The following CASP9 variants were observed in gnomAD, a reference collection of about 807,000 sequenced individuals.
The protein encoded by CASP9 is caspase-9.
CASP9 carries 29 observed loss-of-function variants against 43.5 expected under a neutral mutation model. That is an observed-to-expected ratio of 0.67 (90% CI 0.50 to 0.91). The LOEUF (loss-of-function observed/expected upper bound fraction) is 0.91, where lower values mean the gene tolerates loss of function less well. CASP9 is among the 40% of genes least tolerant of loss of function. The pLI is 0.00. For synonymous variants in CASP9, 206 were observed against 211.9 expected (o/e 0.97, Z 0.24); for missense variants, 575 against 537.4 (o/e 1.07, Z -0.69).
At chr1:15,514,318 C>T (rs1557549940) in intron 2 of CASP9, among the ~76,000 whole-genome samples, 1 of 152,236 alleles carries the variant, frequency 6.6e-6, no homozygotes, top group South Asian at 2.1e-4. Context: ...CCTGTATTCA[C>T]TTATTAAAGG....
intron 2 of CASP9, among the ~76,000 whole-genome samples, chr1:15,512,429 G>GA (rs1196027705): frequency 1.3e-5 from 2 of 152,190 alleles, no homozygotes; most frequent in Non-Finnish European, 2.9e-5. Context: ...CGAAACAGTG[G>GA]AGAATGGGAG....
chr1:15,495,227 G>A (rs377150418), intron 7 of CASP9, 46 bp downstream of exon 7: 69 of 1,560,658 alleles, frequency 4.4e-5, no homozygotes, highest in East Asian at 4.6e-5. Context: ...TAGGGCAGAC[G>A]GGAAGACCCA....
chr1:15,516,256 G>A (rs559489899), intron 2 of CASP9, among the ~76,000 whole-genome samples: 2 of 150,482 alleles, frequency 1.3e-5, no homozygotes, highest in East Asian at 2.0e-4. Context: ...CCAGGAGGCC[G>A]AGATGGGAGG....
At chr1:15,521,041 C>G (rs1446247180) in intron 1 of CASP9, among the ~76,000 whole-genome samples, 1 of 151,742 alleles carries the variant, frequency 6.6e-6, no homozygotes, top group African/African-American at 2.4e-5. Context: ...CCTGTAGACC[C>G]AGCTACTCGG....
chr1:15,507,698 C>T, intron 3 of CASP9, 175 bp downstream of exon 3: 1 of 639,946 alleles, frequency 1.6e-6, no homozygotes, highest in Non-Finnish European at 2.8e-6. Flanking sequence ...CAGAGATGAA[C>T]AATCTGCCCC....
At chr1:15,509,214 T>C (rs1266030544) in intron 2 of CASP9, among the ~76,000 whole-genome samples, 1 of 152,068 alleles carries the variant, frequency 6.6e-6, no homozygotes, top group African/African-American at 2.4e-5. Context: ...ACTCTGAACC[T>C]CACTGTATGT....
upstream of CASP9, chr1:15,524,271 C>CA: frequency 1.3e-6 from 2 of 1,505,442 alleles, no homozygotes; most frequent in East Asian, 5.3e-5. Context: ...CCCCAGTCCC[C>CA]AGGACCCGCC....
intron 7 of CASP9, among the ~76,000 whole-genome samples, chr1:15,494,823 A>G (rs999321110): frequency 7.9e-5 from 11 of 138,374 alleles, no homozygotes; most frequent in African/African-American, 2.9e-4. Context: ...AGATCGCGCC[A>G]CTGCACTCCA....
rs1441046820 is a variant in CASP9, at chr1:15,491,412, GT to G, written c.*1530del. 1 of 1,454,730 alleles carries G rather than the reference GT, an allele frequency of 6.9e-7. No homozygotes were observed. Among genetic ancestry groups the G allele is most frequent in the Admixed American group, 1.7e-5 (1 of 57,882 alleles). The allele number at this position is 1,454,730 out of a possible 1,614,324, so 90.1% of individuals were successfully genotyped here. A position where few individuals can be genotyped will look rare whatever the true frequency, so the allele number is the denominator to read the frequency against. ...CTATGCAAATCACATCTTGATGAGG[GT>G]TTTATTATTATTATTAATTCAGAAA... On this transcript the variant is annotated 3_prime_UTR_variant, in exon 9 of 9. Transcript: ENST00000333868.
Position 15,492,943 on chromosome 1 carries a change from T to C in CASP9, c.1251A>G (p.Ter417=). The C allele has an allele frequency of 6.2e-7, 1 of 1,613,716 alleles. No individual in the cohort carries two copies. Among genetic ancestry groups the C allele is most frequent in the Non-Finnish European group, 8.5e-7 (1 of 1,180,028 alleles). ...LRKKLFFKTS[*] ...TAAGGCAGGGTGAGGGGCCCTGGCC[T>C]TATGATGTTTTAAAGAAAAGTTTTT... The change falls in exon 9 of 9, where the codon TAA becomes TAG. Residue 417 remains the stop codon, a stop_retained_variant. Coordinates refer to ENST00000333868, the MANE Select transcript of CASP9 (RefSeq NM_001229.5).
chr1:15,512,754 AAC>A (rs1709806267), intron 2 of CASP9, among the ~76,000 whole-genome samples: 1 of 152,224 alleles, frequency 6.6e-6, no homozygotes, highest in Non-Finnish European at 1.5e-5. Context: ...ATATATATAA[AAC>A]AGAGGCCCAG....
chr1:15,512,680 T>TAC (rs1553142504), intron 2 of CASP9, among the ~76,000 whole-genome samples: 1 of 152,048 alleles, frequency 6.6e-6, no homozygotes, highest in Non-Finnish European at 1.5e-5. Context: ...TATATATATA[T>TAC]ACACACACAA....
intron 1 of CASP9, among the ~76,000 whole-genome samples, chr1:15,521,513 C>A (rs1710200107): frequency 6.6e-6 from 1 of 152,202 alleles, no homozygotes; most frequent in Non-Finnish European, 1.5e-5. Flanking sequence ...TAGTGAAAGT[C>A]TTAAAGTCTT....
chr1:15,493,115 T>C, intron 8 of CASP9, 80 bp from the exon 9 acceptor site: 2 of 1,595,338 alleles, frequency 1.3e-6, no homozygotes, highest in South Asian at 1.1e-5. Context: ...CTGGGGGGAA[T>C]GTCCACTCAA....
At chr1:15,501,365 A>G (rs1206461895) in intron 6 of CASP9, among the ~76,000 whole-genome samples, 1 of 152,076 alleles carries the variant, frequency 6.6e-6, no homozygotes, top group Non-Finnish European at 1.5e-5. Context: ...TTTTAAAATT[A>G]TTATTTAAAA....
At chr1:15,509,616 C>A (rs1709678933) in intron 2 of CASP9, among the ~76,000 whole-genome samples, 1 of 145,990 alleles carries the variant, frequency 6.8e-6, no homozygotes. Flanking sequence ...GCCTGGGCAA[C>A]AAGAGCAAAA....
chr1:15,510,299 T>C (rs1709707741), intron 2 of CASP9, among the ~76,000 whole-genome samples: 1 of 152,224 alleles, frequency 6.6e-6, no homozygotes, highest in African/African-American at 2.4e-5. Context: ...CCCATACTCC[T>C]GTTCCAATAA....
chr1:15,504,544 A>C, intron 6 of CASP9, 67 bp downstream of exon 6: 1 of 1,511,996 alleles, frequency 6.6e-7, no homozygotes, highest in Non-Finnish European at 8.9e-7. Context: ...GGCAGGCTGG[A>C]GAAAGAAGCA....
chr1:15,497,958 T>C (rs973638318), intron 6 of CASP9, among the ~76,000 whole-genome samples: 1 of 152,220 alleles, frequency 6.6e-6, no homozygotes, highest in African/African-American at 2.4e-5. Context: ...CATAGGTCAA[T>C]GTCATTGAAT....
Sources: allele counts gnomAD v4.1 joint callset (sites outside exome capture counted in the v4.1 genomes callset), GRCh38; gene constraint gnomAD v4.1.1; transcripts MANE v1.5; gene names NCBI Gene and HGNC (gene_info 2026-07-23, HGNC 2026-07-21).